The following SNAP47 variants were observed in gnomAD, a reference collection of about 807,000 sequenced individuals.
SNAP47 encodes the protein synaptosomal-associated protein 47.
SNAP47 carries 20 observed loss-of-function variants against 31.4 expected under a neutral mutation model. The ratio of observed to expected loss-of-function variants is 0.64; its 90% CI spans 0.45 to 0.93. The LOEUF is 0.93. SNAP47 is among the 40% of genes least tolerant of loss of function. The probability of loss-of-function intolerance (pLI) is 0.00; values close to 1 mark genes in which losing one functional copy is unlikely to be tolerated. For synonymous variants in SNAP47, 194 were observed against 213.4 expected, an observed-to-expected ratio of 0.91 and a Z score of 0.79; for missense variants, 492 against 528.5, an observed-to-expected ratio of 0.93 and a Z score of 0.68.
chr1:227,739,400 G>A (rs2102890610), intron 1 of SNAP47, among the ~76,000 whole-genome samples: 1 of 152,308 alleles, frequency 6.6e-6, no homozygotes, highest in African/African-American at 2.4e-5. Context: ...CTGTCACTGT[G>A]TTGCATGCAA....
intron 2 of SNAP47, among the ~76,000 whole-genome samples, chr1:227,755,417 C>T (rs536465561): frequency 1.1e-4 from 16 of 152,116 alleles, no homozygotes; most frequent in East Asian, 7.7e-4. Context: ...GATGGAGTCT[C>T]GCTCTGTCAC....
intron 1 of SNAP47, among the ~76,000 whole-genome samples, chr1:227,729,709 G>A (rs563878609): frequency 6.6e-6 from 1 of 152,172 alleles, no homozygotes; most frequent in East Asian, 1.9e-4. Flanking sequence ...CAGGATGCAG[G>A]GAGCCTGGTT....
chr1:227,770,440 G>A (rs778292210), intron 4 of SNAP47: 9 of 153,342 alleles, frequency 5.9e-5, no homozygotes, highest in Non-Finnish European at 8.8e-5. Flanking sequence ...ACTCCACAGC[G>A]TCATGTCCCA....
At chr1:227,757,232 T>C (rs1470586601) in intron 2 of SNAP47, among the ~76,000 whole-genome samples, 1 of 152,190 alleles carries the variant, frequency 6.6e-6, no homozygotes, top group Non-Finnish European at 1.5e-5. Context: ...CCCTAGAGCT[T>C]CACTATAGGG....
At chr1:227,775,750 A>G (rs1664120790) in intron 4 of SNAP47, 4 of 1,298,178 alleles carry the variant, frequency 3.1e-6, no homozygotes, top group Non-Finnish European at 4.1e-6. Flanking sequence ...CAAAATGGAA[A>G]TGGTGAGAAT....
chr1:227,734,683 G>T, upstream of SNAP47: 2 of 1,614,164 alleles, frequency 1.2e-6, no homozygotes, highest in African/African-American at 1.3e-5. Flanking sequence ...GGTAGAGACA[G>T]CCCCTGGGAG....
At chr1:227,737,765 G>C (rs1481744626) in intron 1 of SNAP47, among the ~76,000 whole-genome samples, 1 of 152,104 alleles carries the variant, frequency 6.6e-6, no homozygotes, top group African/African-American at 2.4e-5. Context: ...TCTGAGTCCA[G>C]GTAAAGGTGG....
At chr1:227,767,688 CTT>C (rs34893847) in intron 4 of SNAP47, among the ~76,000 whole-genome samples, 61,056 of 151,622 alleles carry the variant, frequency 0.4, 12,311 homozygotes, top group Admixed American at 0.43. Flanking sequence ...ATGTGCATGT[CTT>C]GTGTGTGGAG....
chr1:227,735,216 C>T, upstream of SNAP47: 1 of 1,590,482 alleles, frequency 6.3e-7, no homozygotes, highest in Middle Eastern at 1.7e-4. Flanking sequence ...ACGCCGGGGA[C>T]ATCGACCCCC....
At chr1:227,734,529 A>T, upstream of SNAP47, 2 of 851,334 alleles carry the variant, frequency 2.3e-6, no homozygotes, top group Non-Finnish European at 3.7e-6. Context: ...TAAACTGATT[A>T]AAGTGCCTCA....
At chr1:227,757,808 A>T (rs1196062548) in intron 2 of SNAP47, among the ~76,000 whole-genome samples, 1 of 152,254 alleles carries the variant, frequency 6.6e-6, no homozygotes, top group Non-Finnish European at 1.5e-5. Context: ...GAAAGTAGCC[A>T]TGATTTTCCC....
chr1:227,733,684 G>A (rs1466425521), upstream of SNAP47: 2 of 1,599,920 alleles, frequency 1.3e-6, no homozygotes, highest in Non-Finnish European at 8.5e-7. Context: ...ACGGGGACCT[G>A]CGGCAGCAAG....
intron 4 of SNAP47, chr1:227,777,119 A>G (rs1664207867): frequency 1.6e-5 from 14 of 900,228 alleles, no homozygotes; most frequent in Non-Finnish European, 1.9e-5. Context: ...TAAAAAAAAA[A>G]GTTATTTTAT....
At chr1:227,734,023 C>CT, upstream of SNAP47, 2 of 1,613,206 alleles carry the variant, frequency 1.2e-6, no homozygotes, top group Non-Finnish European at 8.5e-7. Context: ...CGTCCTCCAC[C>CT]GGAAAGTCCC....
intron 3 of SNAP47, among the ~76,000 whole-genome samples, chr1:227,765,343 C>T (rs749939567): frequency 2.0e-5 from 3 of 152,152 alleles, no homozygotes; most frequent in Non-Finnish European, 4.4e-5. Context: ...GCTGGTGCTG[C>T]GAGGTGGACG....
In SNAP47 at chr1:227,780,717, C is replaced by G; in HGVS notation, c.*44C>G. On this transcript the variant is annotated 3_prime_UTR_variant, in exon 5 of 5. Coordinates refer to ENST00000617596, the MANE Select transcript of SNAP47 (RefSeq NM_053052.4). ...TTCCTGTCTCACCCTGCACATCCCGCTGAGATGGAGGGCTGGGCGGCAGTG... is the reference window on the plus strand; with the variant it reads ...TTCCTGTCTCACCCTGCACATCCCGGTGAGATGGAGGGCTGGGCGGCAGTG... 1 of 1,610,496 alleles carries G rather than the reference C, an allele frequency of 6.2e-7. No individual in the cohort carries two copies. The highest frequency in any genetic ancestry group is 8.5e-7 in the Non-Finnish European group (1 of 1,177,874).
chr1:227,780,558 A>T lies in SNAP47; in HGVS notation c.1145A>T (p.Glu382Val), dbSNP rs766295688. 1.9e-6 allele frequency: 3 copies of T among 1,614,142 alleles called. No individual in the cohort carries two copies. The highest frequency in any genetic ancestry group is 2.5e-6 in the Non-Finnish European group (3 of 1,180,032). ...AGGAGGATGAAGGGGCTGGCCCTGG[A>T]GGCCGAGAGTGAGCTGGAGAGACAA... is the stretch of plus-strand genomic sequence containing the variant. ...ILRRMKGLAL[E>V]AESELERQDE... The change falls in exon 5 of 5, where the codon GAG becomes GTG. Residue 382 changes from glutamate (E) to valine (V), a missense_variant. Coordinates refer to ENST00000617596, the MANE Select transcript of SNAP47 (RefSeq NM_053052.4).
upstream of SNAP47, chr1:227,732,974 G>T (rs1019583806): frequency 3.1e-6 from 5 of 1,613,282 alleles, no homozygotes; most frequent in East Asian, 2.2e-5. Flanking sequence ...AGCGCCACAT[G>T]TTGGCCAGGT....
At chr1:227,778,685 C>T (rs1664294067) in intron 4 of SNAP47, among the ~76,000 whole-genome samples, 1 of 152,298 alleles carries the variant, frequency 6.6e-6, no homozygotes, top group South Asian at 2.1e-4. Context: ...TGGGCTGAGG[C>T]TTTCTTCCCT....
Sources: gnomAD v4.1 joint callset for allele counts (sites outside exome capture counted in the v4.1 genomes callset) on GRCh38, gnomAD v4.1.1 for gene constraint, MANE v1.5 for transcripts, NCBI Gene and HGNC (gene_info 2026-07-23, HGNC 2026-07-21) for gene names.